Variants in GRID2 observed in about 807,000 individuals in gnomAD.
GRID2 encodes glutamate receptor ionotropic, delta-2.
Under a neutral mutation model 114.8 loss-of-function variants are expected in GRID2, and 33 were observed. The ratio of observed to expected loss-of-function variants is 0.29; its 90% CI spans 0.22 to 0.38. The LOEUF (loss-of-function observed/expected upper bound fraction) is 0.38, where lower values mean the gene tolerates loss of function less well. Ranked by LOEUF, GRID2 falls within the 10% of genes least tolerant of loss-of-function variation. The probability of loss-of-function intolerance (pLI) is 1.00; values close to 1 mark genes in which losing one functional copy is unlikely to be tolerated. For synonymous variants in GRID2, 505 were observed against 449.9 expected (o/e 1.12, Z -1.55); for missense variants, 1,184 against 1,257.7 (o/e 0.94, Z 0.89).
At chr4:92,833,864 G>A (rs906319167) in intron 2 of GRID2, 9 of 152,166 alleles carry the variant, frequency 5.9e-5, no homozygotes, top group African/African-American at 2.2e-4. Context: ...TTAATTTCCT[G>A]TGGGTGACGA....
intron 2 of GRID2, among the ~76,000 whole-genome samples, chr4:93,061,494 A>G (rs538663403): frequency 2.0e-5 from 3 of 152,182 alleles, no homozygotes; most frequent in Non-Finnish European, 4.4e-5. Context: ...AACTCCAACA[A>G]TTCTAGTGAT....
intron 14 of GRID2, among the ~76,000 whole-genome samples, chr4:93,729,133 T>C (rs1028023143): frequency 6.6e-6 from 1 of 152,182 alleles, no homozygotes; most frequent in African/African-American, 2.4e-5. Context: ...CCTGACCTCA[T>C]GATCCGCCCA....
chr4:92,310,198 C>CAT lies in GRID2; in HGVS notation c.88+5456_88+5457dup, dbSNP rs573544328. Among the ~76,000 whole-genome samples the CAT allele has an allele frequency of 3.4e-3, 521 of 152,110 alleles. 6 individuals carry two copies. Among genetic ancestry groups the CAT allele is most frequent in the African/African-American group, 0.012 (498 of 41,540 alleles). On this transcript the variant is annotated intron_variant, in intron 1 of 15. Coordinates refer to ENST00000282020, the MANE Select transcript of GRID2 (RefSeq NM_001510.4). ...AGGGTTTATTTGTTCATGTAAAACT[C>CAT]ATAACTATTCTCACATAGTAATTTA...
chr4:92,816,092 G>T (rs1320232078), intron 2 of GRID2, among the ~76,000 whole-genome samples: 5 of 151,392 alleles, frequency 3.3e-5, no homozygotes, highest in African/African-American at 1.2e-4. Context: ...AAGGCAGGTG[G>T]ATCACCTGAG....
intron 2 of GRID2, among the ~76,000 whole-genome samples, chr4:92,934,474 A>G (rs563100091): frequency 6.8e-6 from 1 of 146,706 alleles, no homozygotes; most frequent in Non-Finnish European, 1.5e-5. Context: ...AAGGTAATTT[A>G]TAGATTCAAT....
chr4:93,017,122 C>T (rs553870987), intron 2 of GRID2, among the ~76,000 whole-genome samples: 6 of 152,220 alleles, frequency 3.9e-5, no homozygotes, highest in African/African-American at 1.2e-4. Flanking sequence ...TAAAACTTAT[C>T]TACATTTCAA....
intron 1 of GRID2, among the ~76,000 whole-genome samples, chr4:92,530,334 A>T (rs1426197884): frequency 6.6e-6 from 1 of 152,020 alleles, no homozygotes; most frequent in African/African-American, 2.4e-5. Context: ...TACTAAAAGT[A>T]ATGCCTTGTT....
chr4:93,326,501 G>T (rs997305394), intron 8 of GRID2, among the ~76,000 whole-genome samples: 1 of 152,092 alleles, frequency 6.6e-6, no homozygotes, highest in African/African-American at 2.4e-5. Context: ...TGAGCTTTTA[G>T]ATTCTCCAAT....
intron 8 of GRID2, among the ~76,000 whole-genome samples, chr4:93,327,082 G>A (rs1277367707): frequency 6.6e-6 from 1 of 152,014 alleles, no homozygotes; most frequent in Non-Finnish European, 1.5e-5. Flanking sequence ...CTAGGAACCA[G>A]TCTTCAGGCC....
chr4:93,180,210 A>G (rs1739758657), intron 4 of GRID2, among the ~76,000 whole-genome samples: 1 of 151,990 alleles, frequency 6.6e-6, no homozygotes. Flanking sequence ...ACATCACACG[A>G]TGTCTCCAAA....
chr4:92,634,028 T>A (rs572111138), intron 2 of GRID2, among the ~76,000 whole-genome samples: 1 of 152,030 alleles, frequency 6.6e-6, no homozygotes, highest in African/African-American at 2.4e-5. Flanking sequence ...GGGTGTCCAA[T>A]CTTTTTGATT....
At chr4:93,150,773 G>A (rs187558098) in intron 4 of GRID2, among the ~76,000 whole-genome samples, 197 of 152,120 alleles carry the variant, frequency 1.3e-3, no homozygotes, top group African/African-American at 4.6e-3. Flanking sequence ...TGTCTCAGAA[G>A]CTTTGCATCC....
In GRID2 at chr4:92,935,164, T is replaced by C. The variant is rs926479567; in HGVS notation, c.245-149831T>C. 2.1e-5 allele frequency among the ~76,000 whole-genome samples: 3 copies of C among 145,768 alleles called. 1 individual carries two copies. The highest frequency in any genetic ancestry group is 4.6e-5 in the Non-Finnish European group (3 of 65,862). ...TCTGACAAAGGGCTAATATCCAGAATCTACAATGAACTCAAACAAATTTAC... is the reference window on the plus strand; with the variant it reads ...TCTGACAAAGGGCTAATATCCAGAACCTACAATGAACTCAAACAAATTTAC... On this transcript the variant is annotated intron_variant, in intron 2 of 15. Transcript: ENST00000282020.
At chr4:93,306,252 T>C (rs1755409248) in intron 8 of GRID2, 1 of 152,218 alleles carries the variant, frequency 6.6e-6, no homozygotes, top group Non-Finnish European at 1.5e-5. Flanking sequence ...AGAGAAGAGC[T>C]TTTATGTTTA....
chr4:92,373,267 T>C (rs770397679), intron 1 of GRID2, among the ~76,000 whole-genome samples: 2 of 152,148 alleles, frequency 1.3e-5, no homozygotes, highest in Non-Finnish European at 2.9e-5. Context: ...GTGTGGTCAT[T>C]TTCGTAGTTT....
intron 4 of GRID2, among the ~76,000 whole-genome samples, chr4:93,163,862 A>G (rs1353641784): frequency 1.3e-5 from 2 of 152,030 alleles, no homozygotes; most frequent in African/African-American, 4.8e-5. Context: ...GACAGAATGT[A>G]AGAGTTATGA....
chr4:93,772,217 G>C lies in GRID2; in HGVS notation c.2743G>C (p.Ala915Pro), dbSNP rs1013380369. ...LDIDTLPTRQALEQISDFRNT... is the reference protein window; with the variant it reads ...LDIDTLPTRQPLEQISDFRNT... ...CATTGACACTTTGCCAACACGACAA[G>C]CACTGGAGCAAATCAGTGATTTCAG... Residue 915 changes from alanine (A) to proline (P), a missense_variant, in exon 16 of 16, where the codon GCA becomes CCA. Physicochemically the swap from Ala to Pro is conservative, Grantham distance 27. Coordinates refer to ENST00000282020, the MANE Select transcript of GRID2 (RefSeq NM_001510.4). The C allele has an allele frequency of 1.2e-6, 2 of 1,614,042 alleles. No individual in the cohort carries two copies. The highest frequency in any genetic ancestry group is 1.7e-6 in the Non-Finnish European group (2 of 1,179,994).
rs78780253 is a variant in GRID2 at position 92,800,191 on chromosome 4, A to G, written c.244+209905A>G. Among the ~76,000 whole-genome samples the G allele has an allele frequency of 8.1e-4, 123 of 152,078 alleles. 1 individual carries two copies. In the East Asian group the frequency reaches 0.023, roughly 29 times the overall value. On this transcript the variant is annotated intron_variant, in intron 2 of 15. Transcript: ENST00000282020. ...CAGTTAAGGATATCAGTGGAATACT[A>G]TATTTTTTCTAAAACAGGACTTCAC...
chr4:93,165,355 A>G (rs1163010199), intron 4 of GRID2, among the ~76,000 whole-genome samples: 1 of 151,956 alleles, frequency 6.6e-6, no homozygotes, highest in Non-Finnish European at 1.5e-5. Flanking sequence ...ATATAGCCAA[A>G]GTCAAGGTTA....
Sources: gnomAD v4.1 joint callset for allele counts (sites outside exome capture counted in the v4.1 genomes callset) on GRCh38, gnomAD v4.1.1 for gene constraint, MANE v1.5 for transcripts, NCBI Gene and HGNC (gene_info 2026-07-23, HGNC 2026-07-21) for gene names.